Variants in LAMB2 observed in about 807,000 individuals in gnomAD.
LAMB2 encodes laminin subunit beta 2.
LAMB2 carries 119 observed loss-of-function variants against 202.7 expected under a neutral mutation model. That is an observed-to-expected ratio of 0.59 (90% CI 0.51 to 0.68). The LOEUF is 0.68. LAMB2 is among the 30% of genes least tolerant of loss of function. The pLI, the probability that LAMB2 is intolerant of heterozygous loss-of-function variation, is 0.00. For missense variants in LAMB2, 2,124 were observed against 2,410.6 expected (o/e 0.88, Z 2.49); for synonymous variants, 818 against 902.2 (o/e 0.91, Z 1.67).
rs758321143 is a variant in LAMB2 at position 49,132,467 on chromosome 3, G to A, written c.249+24C>T. 42 of 1,614,084 alleles carry A rather than the reference G, an allele frequency of 2.6e-5. No homozygotes were observed. Among genetic ancestry groups the A allele is most frequent in the Middle Eastern group, 3.3e-4 (2 of 6,062 alleles). On this transcript the variant is annotated intron_variant, in intron 2 of 31. Coordinates refer to ENST00000305544, the MANE Select transcript of LAMB2 (RefSeq NM_002292.4). This position sits in a 1 kb window ranked among gnomAD's most constrained non-coding sequence, Gnocchi z 4.6. Reference sequence around the variant, plus strand: ...AGTGCCAGCCCCACCCTGACTCGGCGTCACACCCTGTCCCCAGCCACACCT... The same window carrying A: ...AGTGCCAGCCCCACCCTGACTCGGCATCACACCCTGTCCCCAGCCACACCT...
chr3:49,131,791 C>G lies in LAMB2; in HGVS notation c.460-68G>C, dbSNP rs1276421226. On this transcript the variant is annotated intron_variant, in intron 4 of 31. Coordinates refer to ENST00000305544, the MANE Select transcript of LAMB2 (RefSeq NM_002292.4). This position sits in a 1 kb window ranked among gnomAD's most constrained non-coding sequence, Gnocchi z 5.0. ...AGCCCAACCCAGAGCCATCAAGAGC[C>G]CTGCTCAGCCCAAGACTGCCCTCAA... 3 of 1,539,502 alleles carry G rather than the reference C, an allele frequency of 1.9e-6. No homozygotes were observed. The highest frequency in any genetic ancestry group is 1.8e-5 in the Admixed American group (1 of 56,800).
At chr3:49,127,293 AT>A (rs1198412702) in intron 15 of LAMB2, among the ~76,000 whole-genome samples, 1 of 151,980 alleles carries the variant, frequency 6.6e-6, no homozygotes, top group Non-Finnish European at 1.5e-5. Context: ...GTCTAGAGGA[AT>A]TTTTTTTCTA....
Position 49,124,823 on chromosome 3 carries a change from T to A in LAMB2, c.2987A>T (p.Asp996Val). Residue 996 changes from aspartate (D) to valine (V), a missense_variant, in exon 21 of 32, where the codon GAT becomes GTT. Transcript: ENST00000305544. ...CGTGTGGGGGTCACAGGCATCAGGA[T>A]CCATTGGGTCAATGTTCCCACTGCA... is the stretch of plus-strand genomic sequence containing the variant. The part of the protein sequence containing the change: ...CECSGNIDPM[D>V]PDACDPHTGQ... 4.3e-6 allele frequency: 7 copies of A among 1,614,118 alleles called. 1 individual carries two copies. Among genetic ancestry groups the A allele is most frequent in the South Asian group, 3.3e-5 (3 of 91,090 alleles).
In LAMB2 at chr3:49,125,734, G is replaced by C; in HGVS notation, c.2488+13C>G. On this transcript the variant is annotated intron_variant, in intron 18 of 31. Coordinates refer to ENST00000305544, the MANE Select transcript of LAMB2 (RefSeq NM_002292.4). ...GAGAGAAGCATAGGAGGGAACAAGGGGCAGAAGAGTACCTTGACAGCCTGT... is the reference window on the plus strand; with the variant it reads ...GAGAGAAGCATAGGAGGGAACAAGGCGCAGAAGAGTACCTTGACAGCCTGT... 6.2e-7 allele frequency: 1 copy of C among 1,613,286 alleles called. No individual in the cohort carries two copies. The highest frequency in any genetic ancestry group is 8.5e-7 in the Non-Finnish European group (1 of 1,179,458).
chr3:49,124,184 C>T lies in LAMB2; in HGVS notation c.3424+6G>A. ...CCATCTACCCTGGCCCCGCTGGCTCCCTCACCATGGCACTGCAACCCAGGG... is the reference window on the plus strand; with the variant it reads ...CCATCTACCCTGGCCCCGCTGGCTCTCTCACCATGGCACTGCAACCCAGGG... On this transcript the variant is annotated splice_donor_region_variant and intron_variant, in intron 23 of 31. Coordinates refer to ENST00000305544, the MANE Select transcript of LAMB2 (RefSeq NM_002292.4). 1 of 1,614,158 alleles carries T rather than the reference C, an allele frequency of 6.2e-7. No homozygotes were observed. Among genetic ancestry groups the T allele is most frequent in the Non-Finnish European group, 8.5e-7 (1 of 1,180,024 alleles).
rs2045467948 is a variant in LAMB2, at chr3:49,130,371, A to T, written c.1085T>A (p.Val362Glu). ...HTHSCHFDMA[V>E]YLASGNVSGG... ...ACTCACATTGCCAGATGCCAGGTAT[A>T]CGGCCATGTCGAAGTGGCAGCTGTG... is the stretch of plus-strand genomic sequence containing the variant. Residue 362 changes from valine to glutamate, a missense_variant, in exon 9 of 32, where the codon GTA (valine) becomes GAA (glutamate). By Grantham distance (121) the Val-to-Glu change is moderately radical. Around this residue, in one of 3 missense-constraint regions of LAMB2, gnomAD observed 256 missense variants for 356.1 expected, o/e 0.72. Transcript: ENST00000305544. The surrounding 1 kb of genome is among the most constrained non-coding windows in gnomAD (Gnocchi z 5.0). 2 of 1,614,138 alleles carry T rather than the reference A, an allele frequency of 1.2e-6. No individual in the cohort carries two copies. Among genetic ancestry groups the T allele is most frequent in the Non-Finnish European group, 1.7e-6 (2 of 1,180,042 alleles).
Position 49,126,500 on chromosome 3 carries a change from GGGGGCGAGT to G in LAMB2, c.2019-12_2019-4del. On this transcript the variant is annotated splice_region_variant and splice_polypyrimidine_tract_variant and intron_variant, in intron 15 of 31. Coordinates refer to ENST00000305544, the MANE Select transcript of LAMB2 (RefSeq NM_002292.4). ...CAGGATTAGGAAATATCAAGTACCT[GGGGGCGAGT>G]GGGGACAGGTGCAGTGGGTCATCTA... The G allele has an allele frequency of 6.2e-7, 1 of 1,613,974 alleles. No homozygotes were observed. The highest frequency in any genetic ancestry group is 1.6e-4 in the Middle Eastern group (1 of 6,062).
At chr3:49,123,673 C>G in intron 24 of LAMB2, 42 bp from the exon 25 acceptor site, 1 of 1,613,856 alleles carries the variant, frequency 6.2e-7, no homozygotes, top group Non-Finnish European at 8.5e-7. Context: ...GGCTTCAGCC[C>G]TGGTCCACTG....
chr3:49,129,379 C>T lies in LAMB2; in HGVS notation c.1519-55G>A, dbSNP rs2045457636. ...AACAGACCTCCAGACCCCATCACCA[C>T]CCAGCAGGAAATCCCAACCACACGT... On this transcript the variant is annotated intron_variant, in intron 11 of 31. Coordinates refer to ENST00000305544, the MANE Select transcript of LAMB2 (RefSeq NM_002292.4). This position sits in a 1 kb window ranked among gnomAD's most constrained non-coding sequence, Gnocchi z 6.1. 1.3e-6 allele frequency: 2 copies of T among 1,499,812 alleles called. No homozygotes were observed. Among genetic ancestry groups the T allele is most frequent in the African/African-American group, 1.4e-5 (1 of 72,616 alleles). 92.9% of individuals were successfully genotyped at this position (1,499,812 alleles called of 1,614,324 possible).
Position 49,129,441 on chromosome 3 carries a change from C to G in LAMB2, c.1519-117G>C. On this transcript the variant is annotated intron_variant, in intron 11 of 31. Coordinates refer to ENST00000305544, the MANE Select transcript of LAMB2 (RefSeq NM_002292.4). The surrounding 1 kb of genome is among the most constrained non-coding windows in gnomAD (Gnocchi z 6.1). ...TCACCCCTCAGTGAAAACATGCCCC[C>G]CAGACCACTGGCCCACATCCTTGGC... The G allele has an allele frequency of 8.9e-7, 1 of 1,124,650 alleles. No individual in the cohort carries two copies. The highest frequency in any genetic ancestry group is 1.3e-6 in the Non-Finnish European group (1 of 758,250). The allele number at this position is 1,124,650 out of a possible 1,614,324, so 69.7% of individuals were successfully genotyped here.
Position 49,129,552 on chromosome 3 carries a change from G to T in LAMB2, c.1518+52C>A. On this transcript the variant is annotated intron_variant, in intron 11 of 31. Transcript: ENST00000305544. The surrounding 1 kb of genome is among the most constrained non-coding windows in gnomAD (Gnocchi z 6.1). ...GGCATAGATGTGACACCCCAGCCCT[G>T]TGCTCTAAGGACAAATCATGCCCCT... 1 of 1,450,928 alleles carries T rather than the reference G, an allele frequency of 6.9e-7. No homozygotes were observed. Among genetic ancestry groups the T allele is most frequent in the Non-Finnish European group, 9.7e-7 (1 of 1,033,328 alleles). 89.9% of individuals were successfully genotyped at this position (1,450,928 alleles called of 1,614,324 possible).
Position 49,126,372 on chromosome 3 carries a change from A to G in LAMB2, c.2144T>C (p.Ile715Thr), listed in dbSNP as rs374634993. Reference sequence around the variant, plus strand: ...CAAGAGGAGATTATTCACCGAGTCAATGAGCAGGCCAGGTCCAGAGTAGGG... The same window carrying G: ...CAAGAGGAGATTATTCACCGAGTCAGTGAGCAGGCCAGGTCCAGAGTAGGG... Reference protein sequence around the residue: ...ETPYSGPGLLIDSLVLLPRVL... With the variant: ...ETPYSGPGLLTDSLVLLPRVL... Residue 715 changes from isoleucine to threonine, a missense_variant, in exon 16 of 32, where the codon ATT (isoleucine) becomes ACT (threonine). Physicochemically the swap from Ile to Thr is moderately conservative, Grantham distance 89. Around this residue, in one of 3 missense-constraint regions of LAMB2, gnomAD observed 1,702 missense variants for 1,896.3 expected, o/e 0.90. Transcript: ENST00000305544. The G allele has an allele frequency of 1.2e-6, 2 of 1,614,084 alleles. No homozygotes were observed. Among genetic ancestry groups the G allele is most frequent in the African/African-American group, 2.7e-5 (2 of 74,928 alleles).
Position 49,132,098 on chromosome 3 carries a change from TC to T in LAMB2, c.459+17del. 1 of 1,612,804 alleles carries T rather than the reference TC, an allele frequency of 6.2e-7. No individual in the cohort carries two copies. The highest frequency in any genetic ancestry group is 8.5e-7 in the Non-Finnish European group (1 of 1,178,874). On this transcript the variant is annotated intron_variant, in intron 4 of 31. Transcript: ENST00000305544. The surrounding 1 kb of genome is among the most constrained non-coding windows in gnomAD (Gnocchi z 4.6). The stretch of plus-strand genomic sequence containing the variant: ...GCCAAGCAGGGTGATTCGGGCAGGC[TC>T]CCAGATATGCAGGCACCTTGAAGGT...
In LAMB2 at chr3:49,124,082, C is replaced by T. The variant is rs138774635; in HGVS notation, c.3443G>A (p.Arg1148His). The T allele has an allele frequency of 1.2e-3, 1,867 of 1,614,002 alleles. 21 individuals are homozygous for T. In the African/African-American group the frequency reaches 0.021, roughly 18 times the overall value. Reference sequence around the variant, plus strand: ...GTGACACTGAGGTGTATCTATTCCACGAGAGTCACAATCACAGGCTGCAAG... The same window carrying T: ...GTGACACTGAGGTGTATCTATTCCATGAGAGTCACAATCACAGGCTGCAAG... ...LQCHACDCDS[R>H]GIDTPQCHRF... Residue 1148 changes from arginine to histidine, a missense_variant, in exon 24 of 32, where the codon CGT (arginine) becomes CAT (histidine). By Grantham distance (29) the Arg-to-His change is conservative. Around this residue, in one of 3 missense-constraint regions of LAMB2, gnomAD observed 1,702 missense variants for 1,896.3 expected, o/e 0.90. Transcript: ENST00000305544.
chr3:49,122,451 G>A (rs2045336651), intron 27 of LAMB2, 81 bp from the exon 28 acceptor site: 38 of 1,321,768 alleles, frequency 2.9e-5, no homozygotes, highest in Non-Finnish European at 4.1e-5. Context: ...ATGGACTCAG[G>A]ACATGTACAT....
In LAMB2 at chr3:49,128,036, A is replaced by G. The variant is rs545258399; in HGVS notation, c.2018+422T>C. The stretch of plus-strand genomic sequence containing the variant: ...TCCGTCTCAAAAAAAAAAAAAAAAA[A>G]AAAGAAAAGAAAAGAAAAAAAAAAG... On this transcript the variant is annotated intron_variant, in intron 15 of 31. Coordinates refer to ENST00000305544, the MANE Select transcript of LAMB2 (RefSeq NM_002292.4). Among the ~76,000 whole-genome samples the G allele has an allele frequency of 6.8e-3, 1,021 of 149,788 alleles. 10 individuals carry two copies. Among genetic ancestry groups the G allele is most frequent in the African/African-American group, 0.023 (942 of 40,926 alleles).
At position 49,131,050 on chromosome 3, in the gene LAMB2, T is replaced by C. The variant is rs2045475783; in HGVS notation, c.815A>G (p.Tyr272Cys). The C allele has an allele frequency of 7.4e-6, 12 of 1,613,894 alleles. No individual in the cohort carries two copies. The highest frequency in any genetic ancestry group is 1.1e-5 in the South Asian group (1 of 91,088). The change falls in exon 7 of 32, where the codon TAT (tyrosine) becomes TGT (cysteine). Residue 272 changes from tyrosine to cysteine, a missense_variant. This residue lies in a region of LAMB2 where 256 missense variants were observed against 356.1 expected (regional missense o/e 0.72). Transcript: ENST00000305544. The surrounding 1 kb of genome is among the most constrained non-coding windows in gnomAD (Gnocchi z 5.0). The part of the protein sequence containing the change: ...PRREIREKYY[Y>C]ALYELVVRGN... ...ACGTACAACCAGCTCATAGAGGGCA[T>C]AGTAGTACTTCTCTCGGATCTCCCT...
chr3:49,124,256 A>C lies in LAMB2; in HGVS notation c.3358T>G (p.Phe1120Val), dbSNP rs1179208562. ...FTGQCHCRAG[F>V]GGRTCSECQE... ...CACTCAGAACAAGTCCGCCCTCCAA[A>C]GCCGGCACGGCAGTGGCACTGCCCT... The change falls in exon 23 of 32, where the codon TTT becomes GTT. Residue 1120 changes from phenylalanine to valine, a missense_variant. Phe to Val is a conservative substitution (Grantham distance 50). Around this residue, in one of 3 missense-constraint regions of LAMB2, gnomAD observed 1,702 missense variants for 1,896.3 expected, o/e 0.90. Coordinates refer to ENST00000305544, the MANE Select transcript of LAMB2 (RefSeq NM_002292.4). The C allele has an allele frequency of 6.2e-7, 1 of 1,613,776 alleles. No individual in the cohort carries two copies. The highest frequency in any genetic ancestry group is 2.2e-5 in the East Asian group (1 of 44,880).
At position 49,128,446 on chromosome 3, in the gene LAMB2, C is replaced by T. The variant is rs1183758024; in HGVS notation, c.2018+12G>A. On this transcript the variant is annotated intron_variant, in intron 15 of 31. Transcript: ENST00000305544. ...CCCCTGCCATTGTGAGTGCTACCAC[C>T]AGTGCCCTCACCTGGCATGTGGTTG... The T allele has an allele frequency of 5.0e-6, 8 of 1,613,156 alleles. No individual in the cohort carries two copies. The highest frequency in any genetic ancestry group is 1.7e-6 in the Non-Finnish European group (2 of 1,179,822).
Sources: allele counts gnomAD v4.1 joint callset (sites outside exome capture counted in the v4.1 genomes callset), GRCh38; gene constraint gnomAD v4.1.1; regional missense constraint gnomAD v4.1.1; non-coding constraint Gnocchi (gnomAD v3.1); transcripts MANE v1.5; gene names NCBI Gene and HGNC (gene_info 2026-07-23, HGNC 2026-07-21).